Variants in LARGE1 observed in about 807,000 individuals in gnomAD.
The protein encoded by LARGE1 is LARGE xylosyl- and glucuronyltransferase 1.
Under a neutral mutation model 87.6 loss-of-function variants are expected in LARGE1, and 43 were observed. That is an observed-to-expected ratio of 0.49 (90% confidence interval 0.38 to 0.63). The LOEUF (loss-of-function observed/expected upper bound fraction) is 0.63. Ranked by LOEUF, LARGE1 falls within the 30% of genes least tolerant of loss-of-function variation. The pLI is 0.00. For missense variants in LARGE1, 802 were observed against 1,000.2 expected (o/e 0.80, Z 2.67); for synonymous variants, 434 against 394.6 (o/e 1.10, Z -1.18).
At chr22:33,736,266 T>A (rs2083652942) in intron 2 of LARGE1, among the ~76,000 whole-genome samples, 1 of 152,234 alleles carries the variant, frequency 6.6e-6, no homozygotes, top group Admixed American at 6.5e-5. Context: ...CGGCAATGTA[T>A]AAGGGTTCCG....
At chr22:33,204,667 T>A (rs770690263) in intron 11 of LARGE1, among the ~76,000 whole-genome samples, 8 of 152,204 alleles carry the variant, frequency 5.3e-5, no homozygotes, top group Non-Finnish European at 1.0e-4. Context: ...AATCCCTTTT[T>A]TAAAAAAGGC....
At chr22:33,265,149 C>G (rs1235720691) in intron 11 of LARGE1, among the ~76,000 whole-genome samples, 1 of 152,024 alleles carries the variant, frequency 6.6e-6, no homozygotes, top group Non-Finnish European at 1.5e-5. Context: ...AGGTGACCCT[C>G]CCATCTCAGC....
At chr22:33,265,540 G>A (rs772461539) in intron 11 of LARGE1, among the ~76,000 whole-genome samples, 9 of 152,152 alleles carry the variant, frequency 5.9e-5, no homozygotes, top group Non-Finnish European at 1.0e-4. Context: ...CCGGCCTGGA[G>A]TGAGCACCCT....
At chr22:33,903,366 T>G (rs893756323) in intron 1 of LARGE1, among the ~76,000 whole-genome samples, 1 of 152,144 alleles carries the variant, frequency 6.6e-6, no homozygotes, top group African/African-American at 2.4e-5. Flanking sequence ...TTAATATTAT[T>G]TAAGCTCCAC....
chr22:33,199,666 G>T (rs1924270896), intron 11 of LARGE1, among the ~76,000 whole-genome samples: 3 of 152,186 alleles, frequency 2.0e-5, no homozygotes, highest in African/African-American at 7.2e-5. Context: ...GCAATTGATT[G>T]TAAGTATATG....
chr22:33,239,859 T>C (rs929804930), intron 11 of LARGE1, among the ~76,000 whole-genome samples: 1 of 152,124 alleles, frequency 6.6e-6, no homozygotes, highest in Non-Finnish European at 1.5e-5. Context: ...ATTATATGCT[T>C]TGCATTTTCT....
chr22:33,872,059 T>C, intron 1 of LARGE1, among the ~76,000 whole-genome samples: 1 of 147,430 alleles, frequency 6.8e-6, no homozygotes. Context: ...GTGGGAGTGA[T>C]GGAGGGGGTT....
At chr22:33,333,640 C>T (rs1026602766) in intron 10 of LARGE1, among the ~76,000 whole-genome samples, 1 of 152,190 alleles carries the variant, frequency 6.6e-6, no homozygotes, top group African/African-American at 2.4e-5. Flanking sequence ...AGTACATTCA[C>T]TCAATAAATA....
intron 11 of LARGE1, among the ~76,000 whole-genome samples, chr22:33,247,135 C>A (rs1186320107): frequency 6.6e-6 from 1 of 150,984 alleles, no homozygotes; most frequent in Non-Finnish European, 1.5e-5. Context: ...GAATATAAAA[C>A]TCTACTTTTA....
intron 2 of LARGE1, among the ~76,000 whole-genome samples, chr22:33,732,028 G>A (rs1384553392): frequency 6.6e-6 from 1 of 152,124 alleles, no homozygotes; most frequent in African/African-American, 2.4e-5. Flanking sequence ...TATGTCTTCT[G>A]AAATCACCTT....
intron 12 of LARGE1, among the ~76,000 whole-genome samples, chr22:33,292,177 C>T (rs1932714069): frequency 6.6e-6 from 1 of 152,118 alleles, no homozygotes; most frequent in South Asian, 2.1e-4. Flanking sequence ...AACGAATCTG[C>T]CACCAAGTTT....
intron 11 of LARGE1, among the ~76,000 whole-genome samples, chr22:33,310,577 C>T (rs1230602233): frequency 2.0e-5 from 3 of 152,156 alleles, no homozygotes; most frequent in Non-Finnish European, 4.4e-5. Flanking sequence ...TCTCCTAATT[C>T]GTTGTGGCAT....
chr22:33,913,978 A>G (rs2065711936), intron 1 of LARGE1, among the ~76,000 whole-genome samples: 1 of 152,208 alleles, frequency 6.6e-6, no homozygotes, highest in Non-Finnish European at 1.5e-5. Flanking sequence ...TCCCTTTAGT[A>G]AGGTAAAAAT....
chr22:33,425,448 T>C (rs1403432505), intron 7 of LARGE1, among the ~76,000 whole-genome samples: 2 of 152,170 alleles, frequency 1.3e-5, no homozygotes, highest in African/African-American at 2.4e-5. Context: ...GAAATGTTTG[T>C]AGTTAAGCCA....
At chr22:33,589,456 T>G (rs569021570) in intron 5 of LARGE1, among the ~76,000 whole-genome samples, 1 of 151,728 alleles carries the variant, frequency 6.6e-6, no homozygotes, top group South Asian at 2.1e-4. Context: ...TTACCAGAGG[T>G]TTGCCATCTT....
At chr22:33,289,198 T>C (rs906141853) in intron 12 of LARGE1, among the ~76,000 whole-genome samples, 4 of 152,192 alleles carry the variant, frequency 2.6e-5, no homozygotes, top group African/African-American at 4.8e-5. Flanking sequence ...GACCTCGTGA[T>C]CTGCCTGCCT....
At chr22:33,498,582 G>A (rs1225475206) in intron 6 of LARGE1, among the ~76,000 whole-genome samples, 1 of 152,162 alleles carries the variant, frequency 6.6e-6, no homozygotes, top group African/African-American at 2.4e-5. Flanking sequence ...TTTCAGAGCT[G>A]ATTTAATTTT....
chr22:33,660,093 T>G (rs1380145483), intron 2 of LARGE1, among the ~76,000 whole-genome samples: 10,352 of 53,420 alleles, frequency 0.19, 961 homozygotes, highest in African/African-American at 0.3. Flanking sequence ...TGTGTGTGTT[T>G]TTTTTTTTTT....
chr22:33,267,553 C>A (rs1928019905), downstream of LARGE1, among the ~76,000 whole-genome samples: 1 of 151,554 alleles, frequency 6.6e-6, no homozygotes, highest in African/African-American at 2.4e-5. Context: ...CTGCAGAAGG[C>A]ATCACTTACG....
Sources: gnomAD v4.1 joint callset for allele counts (sites outside exome capture counted in the v4.1 genomes callset) on GRCh38, gnomAD v4.1.1 for gene constraint, MANE v1.5 for transcripts, NCBI Gene and HGNC (gene_info 2026-07-23, HGNC 2026-07-21) for gene names.